The following TCERG1L variants were observed in gnomAD, a reference collection of about 807,000 sequenced individuals.
TCERG1L encodes transcription elongation regulator 1 like, also known as transcription elongation regulator 1-like protein.
A neutral mutation model predicts 56.3 loss-of-function variants in TCERG1L; 37 were observed. That is an observed-to-expected ratio of 0.66 (90% CI 0.51 to 0.87). TCERG1L has a LOEUF of 0.87. Among genes scored for constraint, TCERG1L ranks in the 40% least tolerant of loss-of-function variants. The pLI, the probability that TCERG1L is intolerant of heterozygous loss-of-function variation, is 0.00. For missense variants in TCERG1L, 799 were observed against 774.2 expected (o/e 1.03, Z -0.38); for synonymous variants, 324 against 326.3 (o/e 0.99, Z 0.08).
intron 3 of TCERG1L, among the ~76,000 whole-genome samples, chr10:131,272,488 T>TC (rs1846350661): frequency 6.6e-6 from 1 of 152,160 alleles, no homozygotes; most frequent in Non-Finnish European, 1.5e-5. Context: ...CCCTTTCATC[T>TC]CCTTGCCATG....
chr10:131,116,715 C>A, intron 9 of TCERG1L, 84 bp downstream of exon 9: 1 of 1,516,192 alleles, frequency 6.6e-7, no homozygotes. Flanking sequence ...AGTGAGGAGG[C>A]GACCCTCAGG....
intron 10 of TCERG1L, among the ~76,000 whole-genome samples, chr10:131,102,535 G>A (rs778971251): frequency 3.3e-5 from 5 of 152,166 alleles, no homozygotes; most frequent in South Asian, 2.1e-4. Flanking sequence ...CATACCCTCC[G>A]TCTGGGGCTT....
intron 4 of TCERG1L, among the ~76,000 whole-genome samples, chr10:131,212,498 G>T (rs1217256819): frequency 2.6e-5 from 4 of 152,214 alleles, no homozygotes; most frequent in African/African-American, 9.6e-5. Context: ...GCATCTGTAA[G>T]CTCAAAATAA....
At chr10:131,243,520 C>T (rs79327199) in intron 4 of TCERG1L, among the ~76,000 whole-genome samples, 5,378 of 152,226 alleles carry the variant, frequency 0.035, 294 homozygotes, top group East Asian at 0.23. Context: ...GCCAAGATTG[C>T]GCCACTGCAC....
intron 4 of TCERG1L, among the ~76,000 whole-genome samples, chr10:131,226,537 C>T (rs1187144364): frequency 6.6e-6 from 1 of 152,196 alleles, no homozygotes; most frequent in Non-Finnish European, 1.5e-5. Flanking sequence ...ATTAGGATTA[C>T]AGCCATGACG....
At chr10:131,166,952 C>A in intron 4 of TCERG1L, 67 bp from the exon 5 acceptor site, 3 of 1,458,422 alleles carry the variant, frequency 2.1e-6, no homozygotes, top group Admixed American at 2.0e-5. Flanking sequence ...CCTAAGCAAT[C>A]AAAGACAAAA....
intron 4 of TCERG1L, among the ~76,000 whole-genome samples, chr10:131,213,944 C>T (rs185159163): frequency 2.0e-5 from 3 of 152,316 alleles, no homozygotes; most frequent in South Asian, 2.1e-4. Context: ...CCCACAGTCC[C>T]GGCAGTTCCA....
At chr10:131,176,207 C>T (rs891726526) in intron 4 of TCERG1L, among the ~76,000 whole-genome samples, 4 of 152,182 alleles carry the variant, frequency 2.6e-5, no homozygotes, top group South Asian at 2.1e-4. Flanking sequence ...GGTGCCCATC[C>T]GAGAGGCCAA....
At chr10:131,273,655 C>A (rs759252290) in intron 3 of TCERG1L, among the ~76,000 whole-genome samples, 1 of 152,138 alleles carries the variant, frequency 6.6e-6, no homozygotes, top group Non-Finnish European at 1.5e-5. Flanking sequence ...GGGCGGAGGG[C>A]GTCATTTCCC....
chr10:131,143,639 C>A (rs534186806), intron 7 of TCERG1L, among the ~76,000 whole-genome samples: 2 of 152,098 alleles, frequency 1.3e-5, no homozygotes, highest in Non-Finnish European at 2.9e-5. Flanking sequence ...GCGAAGACAG[C>A]GAGAGAACCA....
intron 3 of TCERG1L, among the ~76,000 whole-genome samples, chr10:131,301,772 CAAA>C (rs1437013352): frequency 6.6e-6 from 1 of 151,528 alleles, no homozygotes; most frequent in Non-Finnish European, 1.5e-5. Flanking sequence ...ATGTCACCCA[CAAA>C]AATAAAAACA....
intron 4 of TCERG1L, among the ~76,000 whole-genome samples, chr10:131,235,544 T>C (rs1420770993): frequency 6.6e-6 from 1 of 152,148 alleles, no homozygotes; most frequent in African/African-American, 2.4e-5. Flanking sequence ...AGGCAACTAC[T>C]ATAATTTAGT....
At chr10:131,184,868 C>A (rs925968887) in intron 4 of TCERG1L, among the ~76,000 whole-genome samples, 4 of 152,178 alleles carry the variant, frequency 2.6e-5, no homozygotes, top group African/African-American at 7.2e-5. Flanking sequence ...GAGGCAAGAA[C>A]AAAATGGCAC....
intron 4 of TCERG1L, among the ~76,000 whole-genome samples, chr10:131,203,760 G>A (rs904200249): frequency 1.6e-4 from 24 of 152,282 alleles, no homozygotes; most frequent in Non-Finnish European, 3.5e-4. Context: ...GCCGGCGAGC[G>A]CTAGCCCTGG....
chr10:131,256,526 T>C (rs553476517), intron 4 of TCERG1L, among the ~76,000 whole-genome samples: 11 of 152,320 alleles, frequency 7.2e-5, no homozygotes, highest in African/African-American at 2.2e-4. Context: ...TATTTCACTC[T>C]TCTGGCCTGG....
chr10:131,178,445 C>T, intron 4 of TCERG1L, among the ~76,000 whole-genome samples: 1 of 152,166 alleles, frequency 6.6e-6, no homozygotes. Context: ...GAAAGGTCTA[C>T]CAGATGGCGG....
chr10:131,235,560 A>T (rs930108547), intron 4 of TCERG1L, among the ~76,000 whole-genome samples: 1 of 152,090 alleles, frequency 6.6e-6, no homozygotes, highest in Non-Finnish European at 1.5e-5. Flanking sequence ...TTAGTAAAGC[A>T]TGACAGCTCA....
chr10:131,294,746 T>G (rs1333089774), intron 3 of TCERG1L, among the ~76,000 whole-genome samples: 1 of 152,050 alleles, frequency 6.6e-6, no homozygotes, highest in East Asian at 1.9e-4. Flanking sequence ...ACATAGTCGG[T>G]GTTTTCTTCT....
intron 3 of TCERG1L, among the ~76,000 whole-genome samples, chr10:131,283,826 A>G (rs545142560): frequency 3.0e-4 from 46 of 152,354 alleles, no homozygotes; most frequent in Non-Finnish European, 5.7e-4. Flanking sequence ...TACAGAGCAA[A>G]GAGATAAACA....
Sources: gnomAD v4.1 joint callset for allele counts (sites outside exome capture counted in the v4.1 genomes callset) on GRCh38, gnomAD v4.1.1 for gene constraint, MANE v1.5 for transcripts, NCBI Gene and HGNC (gene_info 2026-07-23, HGNC 2026-07-21) for gene names.